Variants in NUP210 observed in about 807,000 individuals in gnomAD.
NUP210 encodes nucleoporin 210.
NUP210 carries 151 observed loss-of-function variants against 196.0 expected under a neutral mutation model. The observed-to-expected ratio is 0.77, with a 90% CI of 0.67 to 0.88. The LOEUF (loss-of-function observed/expected upper bound fraction) is 0.88, where lower values mean the gene tolerates loss of function less well. NUP210 is among the 40% of genes least tolerant of loss of function. The pLI, the probability that NUP210 is intolerant of heterozygous loss-of-function variation, is 0.00. For missense variants in NUP210, 2,314 were observed against 2,493.7 expected, an observed-to-expected ratio of 0.93 and a Z score of 1.53; for synonymous variants, 1,070 against 1,052.7, an observed-to-expected ratio of 1.02 and a Z score of -0.32.
intron 20 of NUP210, chr3:13,344,963 C>T (rs917123816): frequency 1.4e-5 from 14 of 985,350 alleles, no homozygotes; most frequent in African/African-American, 1.7e-5. Context: ...CTCCCCTCTT[C>T]TGGGGGCTGG....
At chr3:13,334,045 C>A (rs1381315523) in intron 28 of NUP210, among the ~76,000 whole-genome samples, 2 of 152,150 alleles carry the variant, frequency 1.3e-5, no homozygotes, top group Admixed American at 1.3e-4. Context: ...TGGCAGACAC[C>A]ATATCTTTAG....
At chr3:13,317,864 G>T in intron 39 of NUP210, 83 bp from the exon 40 acceptor site, 1 of 979,598 alleles carries the variant, frequency 1.0e-6, no homozygotes, top group Non-Finnish European at 1.5e-6. Context: ...TTCAGCAGGC[G>T]CCTGCCTCAC....
chr3:13,325,871 C>T lies in NUP210; in HGVS notation c.4568G>A (p.Gly1523Asp), dbSNP rs757302764. The T allele has an allele frequency of 6.8e-6, 11 of 1,614,124 alleles. No individual in the cohort carries two copies. The South Asian group carries it at 1.1e-4, about 16-fold the overall frequency. ...TCCCACGGCCCGGGCCACAGCCACA[C>T]CCGTCTTGGGGTCGATGTGGAGGAT... is the stretch of plus-strand genomic sequence containing the variant. Reference protein sequence around the residue: ...NSILHIDPKTGVAVARAVGSV... With the variant: ...NSILHIDPKTDVAVARAVGSV... Residue 1523 changes from glycine (G) to aspartate (D), a missense_variant, in exon 33 of 40, where the codon GGT becomes GAT. By Grantham distance (94) the Gly-to-Asp change is moderately conservative. Transcript: ENST00000254508.
Position 13,360,344 on chromosome 3 carries a change from G to C in NUP210, c.2080C>G (p.Leu694Val), listed in dbSNP as rs1247644217. The stretch of plus-strand genomic sequence containing the variant: ...TTCCGGGAGGAATGGGGGGCAAAGA[G>C]AGCCAGGCCGATGCTGTCAGTGTCC... ...AEDTDSIGLALFAPHSSRNYQ... is the reference protein window; with the variant it reads ...AEDTDSIGLAVFAPHSSRNYQ... Residue 694 changes from leucine to valine, a missense_variant, in exon 15 of 40, where the codon CTC (leucine) becomes GTC (valine). Transcript: ENST00000254508. 1.9e-6 allele frequency: 3 copies of C among 1,614,124 alleles called. No individual in the cohort carries two copies. Among genetic ancestry groups the C allele is most frequent in the Admixed American group, 3.3e-5 (2 of 60,010 alleles).
chr3:13,415,969 C>T (rs1576434159), intron 1 of NUP210, among the ~76,000 whole-genome samples: 1 of 152,160 alleles, frequency 6.6e-6, no homozygotes, highest in Admixed American at 6.5e-5. Context: ...TAGTGCTGGC[C>T]TCTGGCCTCC....
At chr3:13,401,876 A>T (rs910397203) in intron 1 of NUP210, among the ~76,000 whole-genome samples, 15 of 151,732 alleles carry the variant, frequency 9.9e-5, no homozygotes, top group African/African-American at 3.6e-4. Flanking sequence ...ATTTTGCCAT[A>T]AACCTAAAAC....
intron 13 of NUP210, among the ~76,000 whole-genome samples, chr3:13,368,242 G>A (rs568063645): frequency 2.6e-5 from 4 of 151,980 alleles, no homozygotes; most frequent in Non-Finnish European, 5.9e-5. Flanking sequence ...CACCAGGATA[G>A]TTTTTTCATT....
intron 6 of NUP210, among the ~76,000 whole-genome samples, chr3:13,382,411 C>A (rs879862570): frequency 2.0e-5 from 3 of 152,190 alleles, no homozygotes; most frequent in Non-Finnish European, 4.4e-5. Flanking sequence ...TGACTGTGCT[C>A]CACCTCTGCT....
chr3:13,356,668 T>G (rs1698182198), intron 16 of NUP210, among the ~76,000 whole-genome samples: 1 of 152,112 alleles, frequency 6.6e-6, no homozygotes, highest in Non-Finnish European at 1.5e-5. Flanking sequence ...AAAAGTTCCC[T>G]AATGAGGCTG....
chr3:13,386,767 A>G (rs1358954967), intron 5 of NUP210, among the ~76,000 whole-genome samples: 2 of 152,180 alleles, frequency 1.3e-5, no homozygotes, highest in Non-Finnish European at 2.9e-5. Context: ...CAAAAGCCCA[A>G]GGTCCAGGGA....
At chr3:13,378,559 C>T (rs559403541) in intron 8 of NUP210, among the ~76,000 whole-genome samples, 34 of 152,330 alleles carry the variant, frequency 2.2e-4, no homozygotes, top group African/African-American at 6.7e-4. Flanking sequence ...ACCTTAGGGT[C>T]CCTCTATAAT....
rs1250593585 is a variant in NUP210, at chr3:13,323,475, T to TC, written c.4645-44dup. 6.2e-7 allele frequency: 1 copy of TC among 1,610,100 alleles called. No homozygotes were observed. The highest frequency in any genetic ancestry group is 1.3e-5 in the African/African-American group (1 of 74,822). On this transcript the variant is annotated intron_variant, in intron 33 of 39. Transcript: ENST00000254508. This position sits in a 1 kb window ranked among gnomAD's most constrained non-coding sequence, Gnocchi z 4.3. ...GAAGCTTCATGGAGCGCCGCCTGTG[T>TC]CCCGGTCCATGCTGGGCGTTTCCAC...
chr3:13,355,576 G>A (rs969258888), intron 16 of NUP210, among the ~76,000 whole-genome samples: 1 of 152,174 alleles, frequency 6.6e-6, no homozygotes, highest in Non-Finnish European at 1.5e-5. Context: ...CTGCCTGACC[G>A]ATACAGTCAC....
Position 13,317,024 on chromosome 3 carries a change from T to A in NUP210, c.*657A>T, listed in dbSNP as rs1415563105. 6.5e-6 allele frequency: 1 copy of A among 153,118 alleles called. No individual in the cohort carries two copies. Among genetic ancestry groups the A allele is most frequent in the East Asian group, 1.9e-4 (1 of 5,178 alleles). 9.5% of individuals were successfully genotyped at this position (153,118 alleles called of 1,614,324 possible). A position where few individuals can be genotyped will look rare whatever the true frequency, so the allele number is the denominator to read the frequency against. Reference sequence around the variant, plus strand: ...ACAGAGGACTGAAGTCTGTTCACAGTGGCCCATGGTTGGGCAGCAGCCCTG... The same window carrying A: ...ACAGAGGACTGAAGTCTGTTCACAGAGGCCCATGGTTGGGCAGCAGCCCTG... On this transcript the variant is annotated 3_prime_UTR_variant, in exon 40 of 40. Coordinates refer to ENST00000254508, the MANE Select transcript of NUP210 (RefSeq NM_024923.4).
intron 13 of NUP210, among the ~76,000 whole-genome samples, chr3:13,371,434 C>A (rs892380402): frequency 4.6e-5 from 7 of 152,214 alleles, no homozygotes; most frequent in African/African-American, 1.7e-4. Flanking sequence ...ATCAAAATCC[C>A]ACAGCAGATG....
chr3:13,418,301 A>C (rs1202475003), intron 1 of NUP210, among the ~76,000 whole-genome samples: 1 of 152,260 alleles, frequency 6.6e-6, no homozygotes, highest in African/African-American at 2.4e-5. Flanking sequence ...TTCAAAAAAG[A>C]AATAGGGCAG....
intron 17 of NUP210, 91 bp downstream of exon 17, chr3:13,353,824 C>CT: frequency 7.5e-7 from 1 of 1,327,892 alleles, no homozygotes; most frequent in Admixed American, 2.0e-5. Flanking sequence ...GCACAGATAA[C>CT]TAAGCTCCCA....
At chr3:13,370,729 C>A (rs1251846183) in intron 13 of NUP210, among the ~76,000 whole-genome samples, 2 of 152,250 alleles carry the variant, frequency 1.3e-5, no homozygotes, top group Non-Finnish European at 2.9e-5. Flanking sequence ...AGATACTGGC[C>A]TCCTTCTGTG....
chr3:13,331,078 T>C (rs1304794905), intron 29 of NUP210, among the ~76,000 whole-genome samples: 2 of 152,200 alleles, frequency 1.3e-5, no homozygotes, highest in South Asian at 4.1e-4. Context: ...CAACATGTCC[T>C]GCCACCAGCT....
Sources: allele counts gnomAD v4.1 joint callset (sites outside exome capture counted in the v4.1 genomes callset), GRCh38; gene constraint gnomAD v4.1.1; non-coding constraint Gnocchi (gnomAD v3.1); transcripts MANE v1.5; gene names NCBI Gene and HGNC (gene_info 2026-07-23, HGNC 2026-07-21).